The following INTS15 variants were observed in gnomAD, a reference collection of about 807,000 sequenced individuals.
INTS15 encodes uncharacterized protein C7orf26.
the INTS15 span, among the ~76,000 whole-genome samples, chr7:6,605,236 G>A: frequency 7.2e-5 from 11 of 152,124 alleles, no homozygotes; most frequent in East Asian, 2.1e-3. Flanking sequence ...TGATCTGCCT[G>A]TCTCGGCCTC....
chr7:6,606,504 C>T, the INTS15 span, among the ~76,000 whole-genome samples: 11 of 152,224 alleles, frequency 7.2e-5, no homozygotes, highest in African/African-American at 2.6e-4. Flanking sequence ...GCAGGCTGGC[C>T]TTGGTGTTAG....
At chr7:6,590,149 C>CGGCAGGCG in the INTS15 span, 7 of 701,796 alleles carry the variant, frequency 1.0e-5, no homozygotes, top group African/African-American at 9.4e-5. Context: ...GAGCAGGCGG[C>CGGCAGGCG]GGCAGGCGGG....
the INTS15 span, chr7:6,600,501 G>C: frequency 1.2e-6 from 1 of 856,710 alleles, no homozygotes; most frequent in African/African-American, 1.7e-5. Context: ...AGGTGCCCCA[G>C]CCGTGCCCCC....
the INTS15 span, among the ~76,000 whole-genome samples, chr7:6,606,434 A>G: frequency 0.01 from 1,563 of 152,272 alleles, 27 homozygotes; most frequent in African/African-American, 0.035. Context: ...TGTGGGACCC[A>G]GTTAGGATAA....
At chr7:6,608,058 A>C in the INTS15 span, 1 of 1,598,508 alleles carries the variant, frequency 6.3e-7, no homozygotes, top group Non-Finnish European at 8.5e-7. Flanking sequence ...CCGCTGGGCT[A>C]CGGGGCTGTC....
the INTS15 span, chr7:6,607,697 G>T: frequency 6.6e-7 from 1 of 1,525,770 alleles, no homozygotes; most frequent in Non-Finnish European, 8.8e-7. The surrounding 1 kb of genome is among the most constrained non-coding windows in gnomAD (Gnocchi z 6.0). Flanking sequence ...GAGGCCACCT[G>T]TGTGGGCTGC....
the INTS15 span, chr7:6,602,404 G>A: frequency 4.0e-6 from 2 of 495,340 alleles, no homozygotes; most frequent in Non-Finnish European, 3.6e-6. Context: ...GTTGAGTGGT[G>A]GGTGTGGCGC....
At chr7:6,591,642 G>T in the INTS15 span, 7 of 1,612,876 alleles carry the variant, frequency 4.3e-6, no homozygotes, top group Non-Finnish European at 5.9e-6. Context: ...GATTTCTTTT[G>T]CAGAGACTGA....
the INTS15 span, chr7:6,607,917 C>G: frequency 4.4e-6 from 7 of 1,593,674 alleles, no homozygotes; most frequent in South Asian, 7.7e-5. This position sits in a 1 kb window ranked among gnomAD's most constrained non-coding sequence, Gnocchi z 6.0. Flanking sequence ...CCTGCGGAGT[C>G]CCCGGAGCCC....
chr7:6,598,781 GTGTGTAT>G, the INTS15 span, among the ~76,000 whole-genome samples: 2 of 96,002 alleles, frequency 2.1e-5, no homozygotes, highest in East Asian at 2.4e-4. Flanking sequence ...GTGTGTGTGT[GTGTGTAT>G]TTTTTTTTTT....
chr7:6,604,608 G>C, the INTS15 span, among the ~76,000 whole-genome samples: 1 of 152,182 alleles, frequency 6.6e-6, no homozygotes, highest in African/African-American at 2.4e-5. Context: ...CAGCCCTGGG[G>C]GTGCACACAG....
At chr7:6,596,927 C>T in the INTS15 span, among the ~76,000 whole-genome samples, 31 of 151,920 alleles carry the variant, frequency 2.0e-4, no homozygotes, top group East Asian at 1.4e-3. Flanking sequence ...TACAGGCGCC[C>T]GCTACCACAC....
At chr7:6,599,541 C>T in the INTS15 span, among the ~76,000 whole-genome samples, 2 of 152,192 alleles carry the variant, frequency 1.3e-5, no homozygotes, top group African/African-American at 4.8e-5. Context: ...GCAATTTCTC[C>T]AAAGCATGTT....
the INTS15 span, among the ~76,000 whole-genome samples, chr7:6,593,593 CAAAATGCT>C: frequency 6.6e-6 from 1 of 151,204 alleles, no homozygotes; most frequent in East Asian, 1.9e-4. Flanking sequence ...CTCGGCCTCC[CAAAATGCT>C]GGGATTACAG....
the INTS15 span, chr7:6,602,240 G>T: frequency 1.1e-6 from 1 of 907,574 alleles, no homozygotes; most frequent in Non-Finnish European, 1.7e-6. Context: ...TTTGGGGAGA[G>T]CCCAGTAAGC....
chr7:6,591,510 C>T, the INTS15 span: 1 of 681,566 alleles, frequency 1.5e-6, no homozygotes, highest in South Asian at 1.7e-5. Flanking sequence ...GTGATTCGCC[C>T]ACCTTGGCCT....
chr7:6,604,278 C>T, the INTS15 span, among the ~76,000 whole-genome samples: 1 of 152,112 alleles, frequency 6.6e-6, no homozygotes, highest in African/African-American at 2.4e-5. Context: ...CATACCGATG[C>T]AGTTACTAAC....
the INTS15 span, among the ~76,000 whole-genome samples, chr7:6,598,468 C>CAAA: frequency 3.3e-5 from 4 of 121,198 alleles, no homozygotes; most frequent in Admixed American, 9.0e-5. Flanking sequence ...GACTCCATCT[C>CAAA]AAAAAAAAAA....
the INTS15 span, among the ~76,000 whole-genome samples, chr7:6,598,512 G>A: frequency 8.5e-4 from 125 of 146,948 alleles, 1 homozygote; most frequent in African/African-American, 2.7e-3. Flanking sequence ...GCTGCTCCCC[G>A]CTGTAGCCAT....
Sources: gnomAD v4.1 joint callset for allele counts (sites outside exome capture counted in the v4.1 genomes callset) on GRCh38, gnomAD v4.1.1 for gene constraint, Gnocchi (gnomAD v3.1) non-coding constraint, MANE v1.5 for transcripts, NCBI Gene and HGNC (gene_info 2026-07-23, HGNC 2026-07-21) for gene names.